The following TMIGD3 variants were observed in gnomAD, a reference collection of about 807,000 sequenced individuals.
TMIGD3 encodes the protein AD026 protein (AD026).
A neutral mutation model predicts 28.1 loss-of-function variants in TMIGD3; 21 were observed. The ratio of observed to expected loss-of-function variants is 0.75; its 90% CI spans 0.53 to 1.08. The LOEUF (loss-of-function observed/expected upper bound fraction) is 1.08, where lower values mean the gene tolerates loss of function less well. TMIGD3 is among the 50% of genes least tolerant of loss of function. The probability of loss-of-function intolerance (pLI) is 0.00; values close to 1 mark genes in which losing one functional copy is unlikely to be tolerated. For synonymous variants in TMIGD3, 151 were observed against 162.1 expected (o/e 0.93, Z 0.52); for missense variants, 416 against 435.6 (o/e 0.96, Z 0.40).
chr1:111,505,004 T>C, upstream of TMIGD3: 1 of 985,244 alleles, frequency 1.0e-6, no homozygotes, highest in Middle Eastern at 5.2e-4. Flanking sequence ...TGCTGGAACT[T>C]GAAAAGCTTC....
intron 1 of TMIGD3, among the ~76,000 whole-genome samples, chr1:111,531,247 CA>C (rs1231778319): frequency 1.3e-5 from 2 of 151,378 alleles, no homozygotes; most frequent in African/African-American, 4.9e-5. Context: ...CACTGAATTC[CA>C]GCCTGGGTGA....
chr1:111,517,411 A>AT (rs757819542), intron 1 of TMIGD3, among the ~76,000 whole-genome samples: 8 of 151,652 alleles, frequency 5.3e-5, no homozygotes. Context: ...TCTTCTCTAC[A>AT]TACCCCAGGC....
chr1:111,557,697 A>G (rs1657557231), intron 1 of TMIGD3, among the ~76,000 whole-genome samples: 1 of 152,208 alleles, frequency 6.6e-6, no homozygotes, highest in Admixed American at 6.5e-5. Context: ...AGATGCTAGA[A>G]GGGATACTAA....
intron 3 of TMIGD3, among the ~76,000 whole-genome samples, chr1:111,487,958 C>T (rs1182836340): frequency 6.6e-6 from 1 of 151,972 alleles, no homozygotes; most frequent in Admixed American, 6.6e-5. Flanking sequence ...GCAGGCACCA[C>T]CACATCCAGC....
At chr1:111,485,541 C>T (rs2101781436) in intron 5 of TMIGD3, 199 bp downstream of exon 5, 1 of 505,238 alleles carries the variant, frequency 2.0e-6, no homozygotes, top group East Asian at 3.3e-5. Flanking sequence ...AAGAAAGCTC[C>T]AGTGCTCCCT....
rs187355905 is a variant in TMIGD3, at chr1:111,534,887, G to C, written c.107+28959C>G. ...CTACTTATCTTATGTATAGGAATCA[G>C]TGCATAAAGTCAATGAACAGTTAAG... On this transcript the variant is annotated intron_variant, in intron 1 of 5. Coordinates refer to the TMIGD3 transcript ENST00000369717. Among the ~76,000 whole-genome samples the C allele has an allele frequency of 3.3e-5, 5 of 152,236 alleles. No individual in the cohort carries two copies. In the East Asian group the frequency reaches 5.8e-4, roughly 18 times the overall value.
chr1:111,560,105 G>A (rs74112343), intron 1 of TMIGD3, among the ~76,000 whole-genome samples: 12,295 of 152,162 alleles, frequency 0.081, 1,174 homozygotes, highest in African/African-American at 0.23. Context: ...AGCATTGGAA[G>A]CTCAGAGATT....
chr1:111,505,687 G>A (rs568518555), upstream of TMIGD3, among the ~76,000 whole-genome samples: 97 of 152,272 alleles, frequency 6.4e-4, no homozygotes, highest in South Asian at 0.019. Context: ...AGCCCATGGC[G>A]CACAGCCACT....
At chr1:111,550,488 C>T (rs1364691551) in intron 1 of TMIGD3, among the ~76,000 whole-genome samples, 1 of 152,168 alleles carries the variant, frequency 6.6e-6, no homozygotes, top group Non-Finnish European at 1.5e-5. Flanking sequence ...TCCCTCTAAG[C>T]ATTCTTCCAA....
At chr1:111,559,659 AATT>A (rs573692009) in intron 1 of TMIGD3, among the ~76,000 whole-genome samples, 2 of 152,172 alleles carry the variant, frequency 1.3e-5, no homozygotes, top group East Asian at 1.9e-4. Context: ...GCAAATATAA[AATT>A]ATTATTATTA....
intron 1 of TMIGD3, among the ~76,000 whole-genome samples, chr1:111,549,319 T>C (rs1385703000): frequency 1.3e-5 from 2 of 151,804 alleles, no homozygotes; most frequent in African/African-American, 2.4e-5. Context: ...CTTTTTTTTT[T>C]TTTTTTCTTG....
At chr1:111,502,678 A>G (rs941710175) in intron 1 of TMIGD3, among the ~76,000 whole-genome samples, 2 of 150,946 alleles carry the variant, frequency 1.3e-5, no homozygotes, top group African/African-American at 4.9e-5. Context: ...TATCATTTCT[A>G]AAACTGAAGA....
chr1:111,559,887 T>C (rs957006053), intron 1 of TMIGD3, among the ~76,000 whole-genome samples: 3 of 152,310 alleles, frequency 2.0e-5, no homozygotes, highest in Non-Finnish European at 4.4e-5. Flanking sequence ...CTAAGTCTAC[T>C]CTCATGTATG....
chr1:111,487,240 G>T (rs893712709), intron 3 of TMIGD3, among the ~76,000 whole-genome samples: 9 of 152,168 alleles, frequency 5.9e-5, no homozygotes, highest in African/African-American at 2.2e-4. Flanking sequence ...TAAGATTCAG[G>T]TCAAGTTGCA....
intron 1 of TMIGD3, chr1:111,499,979 C>T (rs1274221529): frequency 3.7e-6 from 6 of 1,614,038 alleles, no homozygotes; most frequent in Non-Finnish European, 2.5e-6. Context: ...ATGCTTGTGT[C>T]CAAAGAATCA....
intron 1 of TMIGD3, among the ~76,000 whole-genome samples, chr1:111,538,138 A>G (rs1656701576): frequency 6.6e-6 from 1 of 152,194 alleles, no homozygotes; most frequent in Non-Finnish European, 1.5e-5. Context: ...TACACTTCCT[A>G]TGATGTGCAG....
chr1:111,484,054 C>T lies in TMIGD3; in HGVS notation c.974-297G>A, dbSNP rs17027796. ...TTCAGGCTGCCACATTTCATCTGCC[C>T]GAGTTTGAGGAAGCAGGCCATGGCT... On this transcript the variant is annotated intron_variant, in intron 5 of 5. Transcript: ENST00000369716. 0.19 allele frequency among the ~76,000 whole-genome samples: 28,826 copies of T among 152,140 alleles called. 2,872 individuals carry two copies. Among genetic ancestry groups the T allele is most frequent in the Middle Eastern group, 0.27 (78 of 290 alleles).
chr1:111,493,175 C>T (rs1654746251), intron 1 of TMIGD3, among the ~76,000 whole-genome samples: 1 of 152,128 alleles, frequency 6.6e-6, no homozygotes, highest in Admixed American at 6.5e-5. Context: ...TTCTTCTAGT[C>T]TGCTATAGTT....
chr1:111,533,142 T>C (rs144136316), intron 1 of TMIGD3, among the ~76,000 whole-genome samples: 191 of 152,314 alleles, frequency 1.3e-3, no homozygotes, highest in African/African-American at 4.2e-3. Flanking sequence ...GGATAATTAT[T>C]GGTTAACTTT....
Sources: gnomAD v4.1 joint callset for allele counts (sites outside exome capture counted in the v4.1 genomes callset) on GRCh38, gnomAD v4.1.1 for gene constraint, MANE v1.5 for transcripts, NCBI Gene and HGNC (gene_info 2026-07-23, HGNC 2026-07-21) for gene names.